The following ERICH3 variants were observed in gnomAD, a reference collection of about 807,000 sequenced individuals.
ERICH3 encodes glutamate-rich protein 3.
In ERICH3, 126 loss-of-function variants were observed where a neutral mutation model predicts 131.1. The observed-to-expected ratio is 0.96, with a 90% CI of 0.83 to 1.11. The LOEUF is 1.11. Among genes scored for constraint, ERICH3 ranks in the 50% most tolerant of loss-of-function variants. The probability of loss-of-function intolerance (pLI) is 0.00; values close to 1 mark genes in which losing one functional copy is unlikely to be tolerated. For missense variants in ERICH3, 2,050 were observed against 1,810.7 expected (o/e 1.13, Z -2.40); for synonymous variants, 695 against 644.6 (o/e 1.08, Z -1.18).
chr1:74,598,118 T>C (rs749842874), intron 11 of ERICH3, among the ~76,000 whole-genome samples: 1 of 151,984 alleles, frequency 6.6e-6, no homozygotes, highest in Non-Finnish European at 1.5e-5. Context: ...CATTTTCTTA[T>C]ATGTAGCTTT....
intron 1 of ERICH3, among the ~76,000 whole-genome samples, chr1:74,650,587 C>T (rs551544911): frequency 3.3e-5 from 5 of 152,096 alleles, no homozygotes; most frequent in South Asian, 2.1e-4. Context: ...ATATCCAATA[C>T]GGCTGGTAAG....
intron 9 of ERICH3, among the ~76,000 whole-genome samples, chr1:74,609,839 G>T (rs1362032834): frequency 3.3e-5 from 5 of 152,034 alleles, no homozygotes; most frequent in Non-Finnish European, 7.4e-5. Flanking sequence ...ATTATTATTT[G>T]AAAAGGTTGA....
At chr1:74,612,553 C>A in intron 9 of ERICH3, 70 bp downstream of exon 9, 2 of 1,320,474 alleles carry the variant, frequency 1.5e-6, no homozygotes, top group South Asian at 1.9e-5. Context: ...AAGAGAAATG[C>A]ATTAGTAAAG....
chr1:74,638,322 C>T (rs999014977), intron 5 of ERICH3, among the ~76,000 whole-genome samples: 1 of 152,124 alleles, frequency 6.6e-6, no homozygotes, highest in Non-Finnish European at 1.5e-5. Flanking sequence ...CAACACAAAA[C>T]AACTAGTGTC....
At chr1:74,579,604 A>C in intron 12 of ERICH3, 1 of 985,384 alleles carries the variant, frequency 1.0e-6, no homozygotes, top group Non-Finnish European at 1.2e-6. Context: ...AAACCAGAAA[A>C]GGCTTCACTT....
intron 11 of ERICH3, among the ~76,000 whole-genome samples, chr1:74,598,686 G>C (rs910797562): frequency 6.6e-6 from 1 of 151,580 alleles, no homozygotes; most frequent in African/African-American, 2.4e-5. Context: ...CAGGAGTTAG[G>C]GTAATAAAAA....
chr1:74,660,633 CATGTGTATAT>C (rs757795649), intron 1 of ERICH3, among the ~76,000 whole-genome samples: 25 of 147,486 alleles, frequency 1.7e-4, no homozygotes, highest in Non-Finnish European at 2.7e-4. Context: ...TATATATACA[CATGTGTATAT>C]ATGTGTATAT....
intron 9 of ERICH3, among the ~76,000 whole-genome samples, chr1:74,607,522 A>G (rs1648460265): frequency 6.6e-6 from 1 of 151,974 alleles, no homozygotes; most frequent in African/African-American, 2.4e-5. Context: ...TAAGTGAATA[A>G]CTCAGGAGTT....
intron 9 of ERICH3, among the ~76,000 whole-genome samples, chr1:74,608,484 G>T (rs1648506810): frequency 6.6e-6 from 1 of 151,932 alleles, no homozygotes; most frequent in Non-Finnish European, 1.5e-5. Context: ...GCCTCAACCT[G>T]AACAAATCCA....
intron 12 of ERICH3, chr1:74,577,229 TA>T (rs779537312): frequency 4.3e-5 from 10 of 231,634 alleles, no homozygotes; most frequent in Admixed American, 7.1e-5. Flanking sequence ...CTGGCCATTC[TA>T]TTCCTTAGTT....
intron 11 of ERICH3, among the ~76,000 whole-genome samples, chr1:74,593,481 T>C (rs1464259753): frequency 2.6e-5 from 4 of 152,180 alleles, no homozygotes; most frequent in Non-Finnish European, 4.4e-5. Context: ...TTGTTCTCCT[T>C]ACATAATTGT....
intron 8 of ERICH3, among the ~76,000 whole-genome samples, chr1:74,619,902 A>G (rs1161534449): frequency 6.6e-6 from 1 of 152,236 alleles, no homozygotes; most frequent in Non-Finnish European, 1.5e-5. Flanking sequence ...CTTTAAGGAC[A>G]TGAATTTTAT....
intron 12 of ERICH3, among the ~76,000 whole-genome samples, chr1:74,581,783 A>T (rs930138575): frequency 3.3e-5 from 5 of 152,158 alleles, no homozygotes; most frequent in African/African-American, 1.2e-4. Context: ...TTCATTTTGT[A>T]TTTTCCACTA....
chr1:74,633,040 A>G (rs1356296308), intron 6 of ERICH3, among the ~76,000 whole-genome samples: 1 of 151,840 alleles, frequency 6.6e-6, no homozygotes, highest in African/African-American at 2.4e-5. Context: ...ATTTATTTCT[A>G]TTTCTACAAT....
At chr1:74,584,323 C>T (rs1280412385) in intron 12 of ERICH3, among the ~76,000 whole-genome samples, 1 of 152,194 alleles carries the variant, frequency 6.6e-6, no homozygotes, top group Non-Finnish European at 1.5e-5. Context: ...ATTGTGGTCT[C>T]ACATCTTCCT....
chr1:74,619,244 A>G (rs1281498618), intron 8 of ERICH3, among the ~76,000 whole-genome samples: 1 of 152,204 alleles, frequency 6.6e-6, no homozygotes. Context: ...CAGAGTGTAC[A>G]TCATCTACCA....
Position 74,631,649 on chromosome 1 carries a change from G to C in ERICH3, c.819+64C>G, listed in dbSNP as rs1570892265. 2.2e-6 allele frequency: 3 copies of C among 1,349,330 alleles called. No homozygotes were observed. The South Asian group carries it at 3.7e-5, about 17-fold the overall frequency. 83.6% of individuals were successfully genotyped at this position (1,349,330 alleles called of 1,614,324 possible). On this transcript the variant is annotated intron_variant, in intron 7 of 14. Transcript: ENST00000326665. ...TCCAAATTCTTTTACTGCAAACCTA[G>C]AAATCTAATAGTGCAATGTAATCTG...
At chr1:74,644,773 A>AAT (rs1479183770) in intron 3 of ERICH3, among the ~76,000 whole-genome samples, 1 of 152,048 alleles carries the variant, frequency 6.6e-6, no homozygotes, top group Non-Finnish European at 1.5e-5. Flanking sequence ...CCAGCTCATT[A>AAT]ATCCATCTTC....
chr1:74,642,241 C>A (rs1461688614), intron 4 of ERICH3, among the ~76,000 whole-genome samples: 1 of 152,110 alleles, frequency 6.6e-6, no homozygotes, highest in Non-Finnish European at 1.5e-5. Context: ...ATAAAATAGA[C>A]CTGAGTCCAT....
Sources: allele counts gnomAD v4.1 joint callset (sites outside exome capture counted in the v4.1 genomes callset), GRCh38; gene constraint gnomAD v4.1.1; transcripts MANE v1.5; gene names NCBI Gene and HGNC (gene_info 2026-07-23, HGNC 2026-07-21).